Variants in RSPH14 observed in about 807,000 individuals in gnomAD.
RSPH14 encodes the protein radial spoke head 14 homolog.
A neutral mutation model predicts 26.7 loss-of-function variants in RSPH14; 20 were observed. The ratio of observed to expected loss-of-function variants is 0.75; its 90% CI spans 0.53 to 1.09. The LOEUF (loss-of-function observed/expected upper bound fraction) is 1.09, where lower values mean the gene tolerates loss of function less well. RSPH14 is among the 50% of genes least tolerant of loss of function. The pLI is 0.00. For missense variants in RSPH14, 449 were observed against 457.2 expected (o/e 0.98, Z 0.16); for synonymous variants, 177 against 189.3 (o/e 0.93, Z 0.53).
chr22:23,095,518 C>T (rs1285259799), intron 4 of RSPH14: 8 of 665,066 alleles, frequency 1.2e-5, no homozygotes, highest in African/African-American at 5.4e-5. Flanking sequence ...AGCGCCATGC[C>T]GGCTGGAGAA....
chr22:23,136,710 TG>T (rs2070491479), intron 3 of RSPH14, among the ~76,000 whole-genome samples: 2 of 139,466 alleles, frequency 1.4e-5, no homozygotes, highest in Non-Finnish European at 1.6e-5. Context: ...ACCTGATAAT[TG>T]CTCAGGCTTC....
At chr22:23,176,478 G>T in the RSPH14 span, among the ~76,000 whole-genome samples, 1 of 152,118 alleles carries the variant, frequency 6.6e-6, no homozygotes, top group Admixed American at 6.5e-5. Flanking sequence ...GGCTCCTAGG[G>T]CTAGAGGCCT....
chr22:23,061,625 G>A (rs1244995169), intron 6 of RSPH14, among the ~76,000 whole-genome samples, 184 bp downstream of exon 6: 1 of 152,110 alleles, frequency 6.6e-6, no homozygotes, highest in Non-Finnish European at 1.5e-5. Context: ...CTGGGGAGAA[G>A]AGGGAGGGCT....
chr22:23,180,534 C>A, the RSPH14 span: 34 of 183,256 alleles, frequency 1.9e-4, no homozygotes, highest in East Asian at 4.4e-3. Flanking sequence ...GGCGGGAGTG[C>A]GGCGAGAGCC....
intron 4 of RSPH14, among the ~76,000 whole-genome samples, chr22:23,116,090 C>T (rs773010822): frequency 1.7e-4 from 26 of 152,274 alleles, no homozygotes; most frequent in Non-Finnish European, 3.2e-4. Flanking sequence ...ATGTGCTCAC[C>T]ACGTGCCCAG....
chr22:23,148,505 A>G (rs1460897318), upstream of RSPH14, among the ~76,000 whole-genome samples: 3 of 152,130 alleles, frequency 2.0e-5, no homozygotes, highest in Non-Finnish European at 4.4e-5. Flanking sequence ...CTGGCTCCAG[A>G]GCACCCTACC....
the RSPH14 span, among the ~76,000 whole-genome samples, chr22:23,168,498 A>T: frequency 9.5e-6 from 1 of 105,614 alleles, no homozygotes; most frequent in African/African-American, 4.1e-5. Flanking sequence ...GCTCCCCGCC[A>T]CACACACACA....
chr22:23,078,356 C>T (rs780426577), intron 4 of RSPH14, among the ~76,000 whole-genome samples: 39 of 152,338 alleles, frequency 2.6e-4, no homozygotes, highest in Non-Finnish European at 4.9e-4. Context: ...GATAACACCA[C>T]GCACGCAAGC....
chr22:23,100,986 A>AT (rs1269605412), intron 4 of RSPH14, among the ~76,000 whole-genome samples: 1 of 152,182 alleles, frequency 6.6e-6, no homozygotes, highest in African/African-American at 2.4e-5. Context: ...GAGTTTAAAC[A>AT]TTTGTGCCAT....
At chr22:23,142,380 A>C (rs1307620133), upstream of RSPH14, among the ~76,000 whole-genome samples, 5 of 151,828 alleles carry the variant, frequency 3.3e-5, no homozygotes, top group East Asian at 7.8e-4. Context: ...CAGTGGCGCG[A>C]TCTTGACTCA....
At chr22:23,111,785 C>A (rs1202936564) in intron 4 of RSPH14, among the ~76,000 whole-genome samples, 1 of 152,224 alleles carries the variant, frequency 6.6e-6, no homozygotes, top group African/African-American at 2.4e-5. Flanking sequence ...CTCCACAGGG[C>A]AAGCCCCTTT....
the RSPH14 span, chr22:23,180,496 C>G: frequency 6.0e-6 from 1 of 167,968 alleles, no homozygotes; most frequent in Admixed American, 6.4e-5. Context: ...CCCGGCCCTC[C>G]CCTTCCTGCG....
At chr22:23,135,498 G>GTAAATAAATAAATAAATAAA (rs71200835) in intron 3 of RSPH14, among the ~76,000 whole-genome samples, 144 of 147,080 alleles carry the variant, frequency 9.8e-4, no homozygotes, top group Non-Finnish European at 1.4e-3. Context: ...TCTCAAATAA[G>GTAAATAAATAAATAAATAAA]TAAATAAATA....
At chr22:23,099,594 T>C (rs898423906) in intron 4 of RSPH14, among the ~76,000 whole-genome samples, 1 of 152,214 alleles carries the variant, frequency 6.6e-6, no homozygotes, top group African/African-American at 2.4e-5. Flanking sequence ...CAGCTGGCGC[T>C]GGCGGGCCCC....
At chr22:23,179,827 C>G in the RSPH14 span, 1 of 212,322 alleles carries the variant, frequency 4.7e-6, no homozygotes, top group East Asian at 1.0e-4. Context: ...TGGTCCTGGC[C>G]TCTCTGTGAG....
chr22:23,123,517 G>A (rs2070090986), intron 4 of RSPH14: 1 of 804,360 alleles, frequency 1.2e-6, no homozygotes. Flanking sequence ...CAATCCAGGG[G>A]CAGAAAACAG....
At chr22:23,137,571 G>GTT (rs34504974) in intron 3 of RSPH14, among the ~76,000 whole-genome samples, 2 of 151,618 alleles carry the variant, frequency 1.3e-5, no homozygotes, top group Non-Finnish European at 2.9e-5. Flanking sequence ...CTTTCCTGCT[G>GTT]TTTTTTTTCC....
the RSPH14 span, chr22:23,153,672 C>CACTT: frequency 1.5e-6 from 1 of 672,852 alleles, no homozygotes; most frequent in African/African-American, 2.0e-5. Flanking sequence ...TCCCCAGCCT[C>CACTT]ACTTTCCTTC....
intron 4 of RSPH14, among the ~76,000 whole-genome samples, chr22:23,114,372 G>A (rs1201883163): frequency 6.6e-6 from 1 of 152,192 alleles, no homozygotes; most frequent in African/African-American, 2.4e-5. Context: ...TGAGGCCCAG[G>A]GTGGGACAGA....
Sources: gnomAD v4.1 joint callset for allele counts (sites outside exome capture counted in the v4.1 genomes callset) on GRCh38, gnomAD v4.1.1 for gene constraint, MANE v1.5 for transcripts, NCBI Gene and HGNC (gene_info 2026-07-23, HGNC 2026-07-21) for gene names.